B3GALT1: variants seen among roughly 807,000 people sequenced by gnomAD.
B3GALT1 encodes the protein beta-1,3-galactosyltransferase 1, also known as UDP-Gal:betaGlcNAc beta 1,3-galactosyltransferase, polypeptide 1.
In B3GALT1, 10 loss-of-function variants were observed where a neutral mutation model predicts 23.2. That is an observed-to-expected ratio of 0.43 (90% CI 0.27 to 0.73). The LOEUF is 0.73. Among genes scored for constraint, B3GALT1 ranks in the 30% least tolerant of loss-of-function variants. B3GALT1 has a pLI of 0.21. For missense variants in B3GALT1, 299 were observed against 405.4 expected (o/e 0.74, Z 2.25); for synonymous variants, 156 against 141.5 (o/e 1.10, Z -0.73).
intron 3 of B3GALT1, among the ~76,000 whole-genome samples, chr2:167,747,169 G>C (rs1280227979): frequency 1.3e-5 from 2 of 152,144 alleles, no homozygotes; most frequent in African/African-American, 2.4e-5. Context: ...GGTGATAAAG[G>C]GGGAGAGCAT....
intron 3 of B3GALT1, among the ~76,000 whole-genome samples, chr2:167,681,376 T>A (rs1243506939): frequency 6.6e-6 from 1 of 152,138 alleles, no homozygotes; most frequent in Admixed American, 6.5e-5. Context: ...CCCCAGTGAA[T>A]CTTATAGGTC....
intron 2 of B3GALT1, among the ~76,000 whole-genome samples, chr2:167,637,838 T>C (rs900123961): frequency 4.6e-5 from 7 of 151,994 alleles, no homozygotes; most frequent in Non-Finnish European, 8.8e-5. Flanking sequence ...CTCTTTTTTT[T>C]TTTTCTTTTC....
At chr2:167,420,652 G>A (rs2105301346) in intron 1 of B3GALT1, among the ~76,000 whole-genome samples, 1 of 152,302 alleles carries the variant, frequency 6.6e-6, no homozygotes, top group African/African-American at 2.4e-5. Flanking sequence ...TGCCTAGCAT[G>A]GCCGTGGTAA....
intron 2 of B3GALT1, among the ~76,000 whole-genome samples, chr2:167,564,097 C>T (rs1414243322): frequency 2.6e-5 from 4 of 151,992 alleles, no homozygotes; most frequent in Admixed American, 1.3e-4. Flanking sequence ...GGGCCCCTCA[C>T]CTCTCAGACG....
chr2:167,501,389 T>TATA (rs1193606620), intron 2 of B3GALT1, among the ~76,000 whole-genome samples: 1 of 151,932 alleles, frequency 6.6e-6, no homozygotes, highest in Non-Finnish European at 1.5e-5. Flanking sequence ...ATGTTTTAGC[T>TATA]ATAATAATAC....
At chr2:167,643,648 A>G (rs1685693369) in intron 2 of B3GALT1, among the ~76,000 whole-genome samples, 1 of 152,158 alleles carries the variant, frequency 6.6e-6, no homozygotes, top group African/African-American at 2.4e-5. Flanking sequence ...ATCATGCTAA[A>G]TGGGAGAGGT....
At chr2:167,329,443 A>G (rs979220889) in intron 1 of B3GALT1, among the ~76,000 whole-genome samples, 22 of 152,204 alleles carry the variant, frequency 1.4e-4, no homozygotes, top group African/African-American at 4.6e-4. Flanking sequence ...ACATGTGCTG[A>G]TAAGAAGAGT....
At chr2:167,615,855 A>G (rs1213588451) in intron 2 of B3GALT1, among the ~76,000 whole-genome samples, 1 of 152,030 alleles carries the variant, frequency 6.6e-6, no homozygotes, top group East Asian at 1.9e-4. Flanking sequence ...CTCATTTTAC[A>G]AGCAATGAAA....
chr2:167,860,255 A>T (rs1040445692), intron 4 of B3GALT1, among the ~76,000 whole-genome samples: 2 of 152,182 alleles, frequency 1.3e-5, no homozygotes, highest in African/African-American at 4.8e-5. Flanking sequence ...TTGAGATCAA[A>T]ACATTTTTCA....
chr2:167,869,750 G>A lies in B3GALT1; in HGVS notation c.711G>A (p.Ser237=), dbSNP rs773363253. Reference sequence around the variant, plus strand: ...ACAGTAACTACCCACCTTTCTGTTCGGGGACTGGCTACATCTTTTCAGCCG... The same window carrying A: ...ACAGTAACTACCCACCTTTCTGTTCAGGGACTGGCTACATCTTTTCAGCCG... ...YPDSNYPPFC[S]GTGYIFSADV... The change falls in exon 5 of 5, where the codon TCG becomes TCA. Residue 237 remains serine (S), a synonymous_variant. Transcript: ENST00000392690. This position sits in a 1 kb window ranked among gnomAD's most constrained non-coding sequence, Gnocchi z 6.4. The A allele has an allele frequency of 2.2e-5, 35 of 1,614,006 alleles. No homozygotes were observed. The highest frequency in any genetic ancestry group is 6.7e-5 in the Admixed American group (4 of 59,996).
At chr2:167,583,538 T>G (rs1396990953) in intron 2 of B3GALT1, among the ~76,000 whole-genome samples, 2 of 152,198 alleles carry the variant, frequency 1.3e-5, no homozygotes, top group African/African-American at 4.8e-5. Context: ...ATCTGTTACT[T>G]TAATTTCAAC....
chr2:167,597,117 G>GTT (rs1309406987), intron 2 of B3GALT1, among the ~76,000 whole-genome samples: 17 of 131,446 alleles, frequency 1.3e-4, no homozygotes, highest in Middle Eastern at 4.1e-3. Context: ...TTTTGTTTTT[G>GTT]TTTTTTTTTT....
intron 3 of B3GALT1, among the ~76,000 whole-genome samples, chr2:167,668,137 CCTTT>C (rs1475077445): frequency 6.6e-6 from 1 of 152,054 alleles, no homozygotes; most frequent in Non-Finnish European, 1.5e-5. Flanking sequence ...GTGTGGATGT[CCTTT>C]CTGTTTGTTA....
chr2:167,845,108 G>A lies in B3GALT1; in HGVS notation c.-229-23703G>A, dbSNP rs1458309180. Among the ~76,000 whole-genome samples the A allele has an allele frequency of 3.3e-5, 5 of 152,104 alleles. No individual in the cohort carries two copies. The East Asian group carries it at 9.6e-4, about 29-fold the overall frequency. Reference sequence around the variant, plus strand: ...AGCAACACCTGCCCAAGGAGAGTCTGAGTTCAGACACGCCTCCCACTGCCC... The same window carrying A: ...AGCAACACCTGCCCAAGGAGAGTCTAAGTTCAGACACGCCTCCCACTGCCC... On this transcript the variant is annotated intron_variant, in intron 4 of 4. Transcript: ENST00000392690.
chr2:167,607,710 A>G (rs1684991637), intron 2 of B3GALT1, among the ~76,000 whole-genome samples: 1 of 152,252 alleles, frequency 6.6e-6, no homozygotes, highest in African/African-American at 2.4e-5. Context: ...TTTTAAAAAT[A>G]TACTTTGAGA....
intron 3 of B3GALT1, among the ~76,000 whole-genome samples, chr2:167,741,177 G>A (rs1353813623): frequency 6.6e-6 from 1 of 152,158 alleles, no homozygotes; most frequent in East Asian, 1.9e-4. Flanking sequence ...ACCCCAGAAT[G>A]TAGGATGGTG....
chr2:167,306,321 A>G (rs1355447322), intron 1 of B3GALT1, among the ~76,000 whole-genome samples: 1 of 152,120 alleles, frequency 6.6e-6, no homozygotes, highest in East Asian at 1.9e-4. Flanking sequence ...TTTCTTGGGG[A>G]TAATATGGTA....
intron 1 of B3GALT1, among the ~76,000 whole-genome samples, chr2:167,317,326 A>G (rs1696735135): frequency 1.3e-5 from 2 of 152,154 alleles, no homozygotes; most frequent in South Asian, 4.1e-4. Context: ...TTTGAAGGGA[A>G]TCATGTGCAA....
chr2:167,476,060 A>G (rs929506898), intron 1 of B3GALT1, among the ~76,000 whole-genome samples: 4 of 152,156 alleles, frequency 2.6e-5, no homozygotes, highest in Non-Finnish European at 5.9e-5. Flanking sequence ...ATCTTAACAC[A>G]ACTAATTCTA....
Sources: allele counts gnomAD v4.1 joint callset (sites outside exome capture counted in the v4.1 genomes callset), GRCh38; gene constraint gnomAD v4.1.1; non-coding constraint Gnocchi (gnomAD v3.1); transcripts MANE v1.5; gene names NCBI Gene and HGNC (gene_info 2026-07-23, HGNC 2026-07-21).